The following PCBP3 variants were observed in gnomAD, a reference collection of about 807,000 sequenced individuals.
The protein encoded by PCBP3 is poly(rC)-binding protein 3.
A neutral mutation model predicts 52.7 loss-of-function variants in PCBP3; 25 were observed. The ratio of observed to expected loss-of-function variants is 0.47; its 90% CI spans 0.35 to 0.66. The LOEUF (loss-of-function observed/expected upper bound fraction) is 0.66, where lower values mean the gene tolerates loss of function less well. Ranked by LOEUF, PCBP3 falls within the 30% of genes least tolerant of loss-of-function variation. The probability of loss-of-function intolerance (pLI) is 0.01; values close to 1 mark genes in which losing one functional copy is unlikely to be tolerated. For synonymous variants in PCBP3, 162 were observed against 183.0 expected (o/e 0.89, Z 0.93); for missense variants, 391 against 490.3 (o/e 0.80, Z 1.91).
intron 2 of PCBP3, among the ~76,000 whole-genome samples, chr21:45,715,198 A>C (rs946477190): frequency 6.6e-6 from 1 of 152,134 alleles, no homozygotes; most frequent in Non-Finnish European, 1.5e-5. Context: ...CCATCTCTAG[A>C]TTATATGGTT....
At chr21:45,770,751 TG>T (rs2089799441) in intron 4 of PCBP3, among the ~76,000 whole-genome samples, 1 of 152,192 alleles carries the variant, frequency 6.6e-6, no homozygotes, top group Admixed American at 6.5e-5. Flanking sequence ...CCCAGCCTTG[TG>T]GGGTGCTGAA....
At chr21:45,850,341 G>T (rs775674996) in intron 5 of PCBP3, among the ~76,000 whole-genome samples, 2 of 152,202 alleles carry the variant, frequency 1.3e-5, no homozygotes, top group Admixed American at 6.5e-5. Flanking sequence ...AGGCCAGGTG[G>T]TTCTCGCACA....
intron 4 of PCBP3, among the ~76,000 whole-genome samples, chr21:45,765,736 A>G (rs1043998299): frequency 1.3e-5 from 2 of 152,188 alleles, no homozygotes; most frequent in African/African-American, 4.8e-5. Context: ...GTTTAGGGCT[A>G]TGGGGACTTC....
chr21:45,771,722 T>C (rs2089881325), intron 4 of PCBP3, among the ~76,000 whole-genome samples: 1 of 136,192 alleles, frequency 7.3e-6, no homozygotes, highest in Non-Finnish European at 1.7e-5. Context: ...CCTGCTCTCA[T>C]CTCTTCTATT....
At chr21:45,919,948 G>C (rs2074196664) in intron 13 of PCBP3, among the ~76,000 whole-genome samples, 1 of 152,248 alleles carries the variant, frequency 6.6e-6, no homozygotes, top group Non-Finnish European at 1.5e-5. Context: ...GAAGCCAGGG[G>C]AGTCAGAGGC....
At chr21:45,834,102 C>T (rs1191658124) in intron 4 of PCBP3, among the ~76,000 whole-genome samples, 1 of 152,038 alleles carries the variant, frequency 6.6e-6, no homozygotes, top group African/African-American at 2.4e-5. Flanking sequence ...CCAGCACCCC[C>T]ACAGGCTGAG....
chr21:45,857,445 A>C (rs1569335401), intron 5 of PCBP3, among the ~76,000 whole-genome samples: 1 of 152,162 alleles, frequency 6.6e-6, no homozygotes, highest in Non-Finnish European at 1.5e-5. Context: ...AACAGATGCC[A>C]ATGCTGAGCC....
rs151040049 is a variant in PCBP3 at position 45,800,200 on chromosome 21, G to A, written c.-126+44748G>A. On this transcript the variant is annotated intron_variant, in intron 4 of 17. Transcript: ENST00000681687. The surrounding 1 kb of genome is among the most constrained non-coding windows in gnomAD (Gnocchi z 5.3). Reference sequence around the variant, plus strand: ...GAGGCACAGGCTGAGGGGCCAGGCAGCAGTTCCTCTCTTGCAGCTTTTTCT... The same window carrying A: ...GAGGCACAGGCTGAGGGGCCAGGCAACAGTTCCTCTCTTGCAGCTTTTTCT... Among the ~76,000 whole-genome samples the A allele has an allele frequency of 1.9e-4, 29 of 152,330 alleles. 1 individual carries two copies. The East Asian group carries it at 4.3e-3, about 22-fold the overall frequency.
chr21:45,872,898 A>T (rs368042680), intron 5 of PCBP3: 1 of 152,324 alleles, frequency 6.6e-6, no homozygotes, highest in South Asian at 2.1e-4. Context: ...ATATTGTCTG[A>T]TTAGTCTTCA....
At chr21:45,726,324 A>G (rs2085040207) in intron 2 of PCBP3, among the ~76,000 whole-genome samples, 1 of 152,128 alleles carries the variant, frequency 6.6e-6, no homozygotes, top group Non-Finnish European at 1.5e-5. Flanking sequence ...AATTATCAGC[A>G]GAGAAAGAGA....
intron 4 of PCBP3, among the ~76,000 whole-genome samples, chr21:45,787,131 T>C (rs2091217622): frequency 6.6e-6 from 1 of 152,266 alleles, no homozygotes; most frequent in African/African-American, 2.4e-5. Flanking sequence ...TTGGAAATCA[T>C]AAAATGCTTG....
chr21:45,789,533 G>A (rs1165312575), intron 4 of PCBP3, among the ~76,000 whole-genome samples: 1 of 152,212 alleles, frequency 6.6e-6, no homozygotes, highest in Admixed American at 6.5e-5. Context: ...AAGGAAAGAT[G>A]AGGGTGTGAG....
intron 3 of PCBP3, among the ~76,000 whole-genome samples, chr21:45,740,368 TA>T (rs1031501615): frequency 6.6e-6 from 1 of 152,116 alleles, no homozygotes; most frequent in Non-Finnish European, 1.5e-5. Flanking sequence ...ATGTTAAAAT[TA>T]AAAAAAATTA....
At chr21:45,885,007 A>G (rs568113603) in intron 5 of PCBP3, among the ~76,000 whole-genome samples, 6 of 152,080 alleles carry the variant, frequency 3.9e-5, no homozygotes, top group Non-Finnish European at 8.8e-5. Flanking sequence ...TTTGCCTACT[A>G]TGTTCTTTCT....
At chr21:45,777,577 G>T (rs1371873674) in intron 4 of PCBP3, among the ~76,000 whole-genome samples, 1 of 151,972 alleles carries the variant, frequency 6.6e-6, no homozygotes, top group Non-Finnish European at 1.5e-5. Flanking sequence ...ACTTTATGTT[G>T]TTCCAAATGT....
intron 1 of PCBP3, among the ~76,000 whole-genome samples, chr21:45,651,062 A>G (rs2079651487): frequency 6.6e-6 from 1 of 152,200 alleles, no homozygotes; most frequent in Non-Finnish European, 1.5e-5. Flanking sequence ...CAGCCTGGCA[A>G]ACACTTTGAA....
At chr21:45,940,254 G>A in intron 17 of PCBP3, 55 bp downstream of exon 17, 1 of 1,512,190 alleles carries the variant, frequency 6.6e-7, no homozygotes, top group Non-Finnish European at 9.1e-7. Flanking sequence ...GCGCCAGCCG[G>A]CGTTACATCA....
At chr21:45,885,199 A>G (rs1231550753) in intron 5 of PCBP3, among the ~76,000 whole-genome samples, 1 of 152,096 alleles carries the variant, frequency 6.6e-6, no homozygotes, top group Non-Finnish European at 1.5e-5. Context: ...CCTTTTCAGC[A>G]CTGAGCAGTT....
At chr21:45,711,921 T>C (rs1306224457) in intron 2 of PCBP3, among the ~76,000 whole-genome samples, 1 of 152,214 alleles carries the variant, frequency 6.6e-6, no homozygotes, top group Non-Finnish European at 1.5e-5. Context: ...TCCCCTGTGC[T>C]TCATCTCTTT....
Sources: gnomAD v4.1 joint callset for allele counts (sites outside exome capture counted in the v4.1 genomes callset) on GRCh38, gnomAD v4.1.1 for gene constraint, Gnocchi (gnomAD v3.1) non-coding constraint, MANE v1.5 for transcripts, NCBI Gene and HGNC (gene_info 2026-07-23, HGNC 2026-07-21) for gene names.